Variants in PPM1H observed in about 807,000 individuals in gnomAD.
PPM1H encodes protein phosphatase 1H.
Under a neutral mutation model 54.9 loss-of-function variants are expected in PPM1H, and 27 were observed. That is an observed-to-expected ratio of 0.49 (90% CI 0.36 to 0.68). The LOEUF is 0.68. PPM1H is among the 30% of genes least tolerant of loss of function. The probability of loss-of-function intolerance (pLI) is 0.00; values close to 1 mark genes in which losing one functional copy is unlikely to be tolerated. For synonymous variants in PPM1H, 305 were observed against 270.8 expected (o/e 1.13, Z -1.24); for missense variants, 596 against 667.8 (o/e 0.89, Z 1.19).
At chr12:62,817,151 C>G (rs1019660164) in intron 2 of PPM1H, among the ~76,000 whole-genome samples, 2 of 58,920 alleles carry the variant, frequency 3.4e-5, no homozygotes, top group Admixed American at 1.7e-4. Flanking sequence ...AAAAAAAAAA[C>G]TAAAAAAAAG....
intron 2 of PPM1H, among the ~76,000 whole-genome samples, chr12:62,806,865 C>T (rs773188199): frequency 3.3e-5 from 5 of 152,176 alleles, no homozygotes; most frequent in African/African-American, 7.2e-5. Context: ...AATAATCACA[C>T]GTACAAACAT....
intron 6 of PPM1H, among the ~76,000 whole-genome samples, chr12:62,714,242 C>G (rs1369522584): frequency 2.0e-5 from 3 of 152,084 alleles, no homozygotes; most frequent in African/African-American, 7.2e-5. Flanking sequence ...TGTAATTTAG[C>G]TAATTTAAAT....
At chr12:62,916,158 C>A (rs927600080) in intron 1 of PPM1H, among the ~76,000 whole-genome samples, 1 of 152,160 alleles carries the variant, frequency 6.6e-6, no homozygotes, top group African/African-American at 2.4e-5. Context: ...TATTTTTTAA[C>A]CTTCAGAGCC....
intron 4 of PPM1H, among the ~76,000 whole-genome samples, chr12:62,769,432 C>T (rs1029544549): frequency 5.9e-5 from 9 of 152,192 alleles, no homozygotes; most frequent in Non-Finnish European, 1.2e-4. Context: ...GGCACAGTTG[C>T]CCAATCACTG....
chr12:62,870,895 T>TAA (rs920834451), intron 1 of PPM1H, among the ~76,000 whole-genome samples: 1 of 152,132 alleles, frequency 6.6e-6, no homozygotes, highest in Non-Finnish European at 1.5e-5. Context: ...CTGGGTATTA[T>TAA]AAAAAAAGAT....
rs559680672 is a variant in PPM1H, at chr12:62,693,216, C to T, written c.1137+720G>A. On this transcript the variant is annotated intron_variant, in intron 7 of 9. Transcript: ENST00000228705. ...GCTCTCCACTCCAGGATTTCAACCT[C>T]CTCCAGGCCTCTGCTCAGAGACCAC... Among the ~76,000 whole-genome samples, 10 of 152,312 alleles carry T rather than the reference C, an allele frequency of 6.6e-5. No homozygotes were observed. The South Asian group carries it at 2.1e-3, about 32-fold the overall frequency.
At chr12:62,723,371 A>C (rs568111737) in intron 5 of PPM1H, among the ~76,000 whole-genome samples, 2 of 152,178 alleles carry the variant, frequency 1.3e-5, no homozygotes, top group Admixed American at 1.3e-4. Context: ...AAAAAAAAAA[A>C]GTAAGTTGGG....
rs952533317 is a variant in PPM1H, at chr12:62,905,305, G to A, written c.245+29187C>T. 3.3e-5 allele frequency among the ~76,000 whole-genome samples: 5 copies of A among 152,302 alleles called. No individual in the cohort carries two copies. In the South Asian group the frequency reaches 1.0e-3, roughly 32 times the overall value. On this transcript the variant is annotated intron_variant, in intron 1 of 9. Coordinates refer to ENST00000228705, the MANE Select transcript of PPM1H (RefSeq NM_020700.2). ...GAGGGTAGTTCCATATCTTGGGGCG[G>A]GGAAAGTTAGGGATTGGCAAGGCTC... is the stretch of plus-strand genomic sequence containing the variant.
chr12:62,779,187 G>A (rs1464633095), intron 4 of PPM1H, among the ~76,000 whole-genome samples: 3 of 151,928 alleles, frequency 2.0e-5, no homozygotes, highest in Non-Finnish European at 4.4e-5. Flanking sequence ...ACAGGCCCAC[G>A]CCACCATGCC....
At chr12:62,679,378 C>T (rs1040737721) in intron 8 of PPM1H, among the ~76,000 whole-genome samples, 5 of 152,090 alleles carry the variant, frequency 3.3e-5, no homozygotes, top group African/African-American at 1.2e-4. Flanking sequence ...GTGTGCCATG[C>T]TAATTGAGAA....
rs147320688 is a variant in PPM1H at position 62,697,023 on chromosome 12, G to A, written c.1074-3024C>T. ...AAAGAGGAAGGGGAATTTTCTGTGT[G>A]AGTGGCAAAAGAACAAAAGGGGTCA... is the stretch of plus-strand genomic sequence containing the variant. On this transcript the variant is annotated intron_variant, in intron 6 of 9. Transcript: ENST00000228705. Among the ~76,000 whole-genome samples the A allele has an allele frequency of 8.6e-3, 1,310 of 152,292 alleles. 30 individuals are homozygous for A. Among genetic ancestry groups the A allele is most frequent in the Non-Finnish European group, 9.1e-3 (621 of 68,030 alleles).
At chr12:62,753,101 C>G (rs540559401) in intron 4 of PPM1H, among the ~76,000 whole-genome samples, 2 of 152,232 alleles carry the variant, frequency 1.3e-5, no homozygotes, top group African/African-American at 4.8e-5. Flanking sequence ...AAAATTGAAA[C>G]AAGTGTTCTA....
chr12:62,891,466 A>G (rs1378647013), intron 1 of PPM1H, among the ~76,000 whole-genome samples: 1 of 152,230 alleles, frequency 6.6e-6, no homozygotes, highest in Non-Finnish European at 1.5e-5. Flanking sequence ...CTACATGAAA[A>G]TTAAAATAAG....
intron 2 of PPM1H, among the ~76,000 whole-genome samples, chr12:62,824,896 C>G (rs1224785126): frequency 6.6e-6 from 1 of 152,070 alleles, no homozygotes; most frequent in African/African-American, 2.4e-5. Context: ...CCAAAATAGA[C>G]AAATGGAATC....
intron 9 of PPM1H, among the ~76,000 whole-genome samples, chr12:62,661,405 CTTTTT>C (rs1226765286): frequency 1.3e-5 from 2 of 152,068 alleles, no homozygotes; most frequent in Non-Finnish European, 2.9e-5. Context: ...AGTTCCTTTT[CTTTTT>C]TATTTTTTGA....
rs1238905945 is a variant in PPM1H, at chr12:62,934,426, G to T, written c.245+66C>A. ...GAGGCCGAGAAGCAGGGAGAGAAGAGGGCTGGAACCGTGCGGGGAAGGGCC... is the reference window on the plus strand; with the variant it reads ...GAGGCCGAGAAGCAGGGAGAGAAGATGGCTGGAACCGTGCGGGGAAGGGCC... On this transcript the variant is annotated intron_variant, in intron 1 of 9. Transcript: ENST00000228705. This position sits in a 1 kb window ranked among gnomAD's most constrained non-coding sequence, Gnocchi z 4.2. 6.9e-7 allele frequency: 1 copy of T among 1,458,082 alleles called. No homozygotes were observed. 90.3% of individuals were successfully genotyped at this position (1,458,082 alleles called of 1,614,324 possible).
chr12:62,683,026 TTTATTATTTATTATTATTATTA>T lies in PPM1H; in HGVS notation c.1245+6651_1245+6672del, dbSNP rs1337155938. ...TTTATAGATACTACATTTGGGAGAG[TTTATTATTTATTATTATTATTA>T]TTATTATTATTATTATTATTATTAT... On this transcript the variant is annotated intron_variant, in intron 8 of 9. Transcript: ENST00000228705. 9.2e-4 allele frequency among the ~76,000 whole-genome samples: 126 copies of T among 136,906 alleles called. 1 individual carries two copies. Among genetic ancestry groups the T allele is most frequent in the African/African-American group, 3.0e-3 (113 of 38,002 alleles). 89.8% of individuals were successfully genotyped at this position (136,906 alleles called of 152,430 possible).
chr12:62,914,918 C>A (rs959310341), intron 1 of PPM1H, among the ~76,000 whole-genome samples: 1 of 152,232 alleles, frequency 6.6e-6, no homozygotes, highest in Non-Finnish European at 1.5e-5. Context: ...AAGCCTCCAA[C>A]AAGGCCTCTT....
At chr12:62,687,538 A>C (rs909350596) in intron 8 of PPM1H, among the ~76,000 whole-genome samples, 1 of 149,028 alleles carries the variant, frequency 6.7e-6, no homozygotes, top group Non-Finnish European at 1.5e-5. Context: ...GGTATGAGCC[A>C]CCATAGCCGG....
Sources: gnomAD v4.1 joint callset for allele counts (sites outside exome capture counted in the v4.1 genomes callset) on GRCh38, gnomAD v4.1.1 for gene constraint, Gnocchi (gnomAD v3.1) non-coding constraint, MANE v1.5 for transcripts, NCBI Gene and HGNC (gene_info 2026-07-23, HGNC 2026-07-21) for gene names.